The following PTPRZ1 variants were observed in gnomAD, a reference collection of about 807,000 sequenced individuals.
PTPRZ1 encodes receptor-type tyrosine-protein phosphatase zeta.
PTPRZ1 carries 82 observed loss-of-function variants against 214.1 expected under a neutral mutation model. That is an observed-to-expected ratio of 0.38 (90% confidence interval 0.32 to 0.46). The LOEUF (loss-of-function observed/expected upper bound fraction) is 0.46. PTPRZ1 is among the 20% of genes least tolerant of loss of function. The pLI, the probability that PTPRZ1 is intolerant of heterozygous loss-of-function variation, is 1.00. For synonymous variants in PTPRZ1, 945 were observed against 987.9 expected (o/e 0.96, Z 0.81); for missense variants, 2,603 against 2,748.7 (o/e 0.95, Z 1.19).
intron 1 of PTPRZ1, among the ~76,000 whole-genome samples, chr7:121,880,775 A>G (rs1343062317): frequency 1.3e-5 from 2 of 152,086 alleles, no homozygotes; most frequent in African/African-American, 4.8e-5. Context: ...TTAAATTTTT[A>G]CCCACTTGCA....
At position 122,034,110 on chromosome 7, in the gene PTPRZ1, T is replaced by A. The variant is rs1329680698; in HGVS notation, c.5182T>A (p.Tyr1728Asn). ...CCCTCATTAGACACTGAAAGAGTTT[T>A]ACCAGGTAAGGCATTATTTCACTGC... is the stretch of plus-strand genomic sequence containing the variant. ...TEEFETLKEF[Y>N]QEVQSCTVDL... Residue 1728 changes from tyrosine to asparagine, a missense_variant, in exon 16 of 30, where the codon TAC becomes AAC. Physicochemically the swap from Tyr to Asn is moderately radical, Grantham distance 143 (BLOSUM62 -2). Coordinates refer to ENST00000393386, the MANE Select transcript of PTPRZ1 (RefSeq NM_002851.3). 2 of 1,598,026 alleles carry A rather than the reference T, an allele frequency of 1.3e-6. No individual in the cohort carries two copies. The highest frequency in any genetic ancestry group is 8.6e-7 in the Non-Finnish European group (1 of 1,165,766).
chr7:122,037,124 A>T (rs1297977217), intron 18 of PTPRZ1, among the ~76,000 whole-genome samples: 2 of 152,170 alleles, frequency 1.3e-5, no homozygotes, highest in African/African-American at 4.8e-5. Flanking sequence ...TACAAAAAAA[A>T]ATTAGCTGGG....
chr7:121,976,918 C>A (rs182119906), intron 6 of PTPRZ1, 67 bp downstream of exon 6: 2 of 1,355,766 alleles, frequency 1.5e-6, no homozygotes, highest in African/African-American at 1.5e-5. Context: ...GTTGACAATA[C>A]GACAAAAGTC....
intron 1 of PTPRZ1, among the ~76,000 whole-genome samples, chr7:121,917,319 A>T (rs1346623955): frequency 6.6e-6 from 1 of 152,170 alleles, no homozygotes; most frequent in Non-Finnish European, 1.5e-5. Flanking sequence ...TAATTTTTTT[A>T]AATTGCTAGT....
chr7:121,898,316 G>A (rs1311152185), intron 1 of PTPRZ1, among the ~76,000 whole-genome samples: 1 of 151,790 alleles, frequency 6.6e-6, no homozygotes, highest in African/African-American at 2.4e-5. Flanking sequence ...GCCTTCAATG[G>A]AGAAATTCAG....
At chr7:121,984,180 G>T in intron 8 of PTPRZ1, 63 bp downstream of exon 8, 1 of 1,420,422 alleles carries the variant, frequency 7.0e-7, no homozygotes. Context: ...AGGTAATTTT[G>T]GTAAACTGAC....
intron 23 of PTPRZ1, among the ~76,000 whole-genome samples, chr7:122,045,740 C>T (rs946613076): frequency 3.3e-5 from 5 of 150,940 alleles, no homozygotes; most frequent in African/African-American, 9.7e-5. Flanking sequence ...AAAAAACTCT[C>T]ATTTAAATAT....
chr7:121,911,030 A>G (rs1433038018), intron 1 of PTPRZ1, among the ~76,000 whole-genome samples: 2 of 152,166 alleles, frequency 1.3e-5, no homozygotes, highest in Admixed American at 6.5e-5. Flanking sequence ...GCTAATGACA[A>G]CAATAAAAGC....
At chr7:121,975,603 C>A (rs1023256718) in intron 4 of PTPRZ1, among the ~76,000 whole-genome samples, 1 of 152,148 alleles carries the variant, frequency 6.6e-6, no homozygotes, top group South Asian at 2.1e-4. Flanking sequence ...GCCTGAGACA[C>A]CTGATTTCCA....
In PTPRZ1 at chr7:122,053,906, G is replaced by C. The variant is rs376487598; in HGVS notation, c.6253-4G>C. On this transcript the variant is annotated splice_polypyrimidine_tract_variant and splice_region_variant and intron_variant, in intron 25 of 29. Transcript: ENST00000393386. ...CTGTTTTTGTCTTCTCTTTGGTTTT[G>C]TAGGGCTATTACCAGAGCAATGAAT... is the stretch of plus-strand genomic sequence containing the variant. 2.5e-6 allele frequency: 4 copies of C among 1,612,138 alleles called. No homozygotes were observed. The African/African-American group carries it at 5.3e-5, about 22-fold the overall frequency.
intron 2 of PTPRZ1, among the ~76,000 whole-genome samples, chr7:121,937,314 C>G (rs1796114840): frequency 6.6e-6 from 1 of 152,026 alleles, no homozygotes; most frequent in South Asian, 2.1e-4. Context: ...AGGAGGAGCC[C>G]CTGAGAGACA....
At chr7:121,873,644 C>T (rs543117128) in intron 1 of PTPRZ1, 87 bp downstream of exon 1, 3 of 1,496,676 alleles carry the variant, frequency 2.0e-6, no homozygotes, top group Admixed American at 1.7e-5. Flanking sequence ...GACTTGCCGC[C>T]GCCGCCGCCA....
intron 1 of PTPRZ1, among the ~76,000 whole-genome samples, chr7:121,915,719 A>T (rs1795405898): frequency 6.6e-6 from 1 of 152,172 alleles, no homozygotes; most frequent in Non-Finnish European, 1.5e-5. Context: ...TTCTGTCAAA[A>T]TAATATTTGC....
At chr7:121,881,921 T>C (rs1323209194) in intron 1 of PTPRZ1, among the ~76,000 whole-genome samples, 18 of 152,246 alleles carry the variant, frequency 1.2e-4, no homozygotes, top group African/African-American at 3.6e-4. Context: ...TCTTTCTCCA[T>C]GCATAATTTG....
At chr7:122,034,932 T>C (rs1206902709) in intron 17 of PTPRZ1, among the ~76,000 whole-genome samples, 2 of 152,122 alleles carry the variant, frequency 1.3e-5, no homozygotes, top group African/African-American at 4.8e-5. Flanking sequence ...TTTTCATTAG[T>C]GCAATTTTAC....
At chr7:121,956,239 A>G (rs1250177300) in intron 2 of PTPRZ1, among the ~76,000 whole-genome samples, 1 of 151,952 alleles carries the variant, frequency 6.6e-6, no homozygotes, top group Non-Finnish European at 1.5e-5. Context: ...ACACACTTTT[A>G]TTTTCTTATT....
At chr7:121,995,229 A>G (rs1798097210) in intron 8 of PTPRZ1, among the ~76,000 whole-genome samples, 1 of 152,146 alleles carries the variant, frequency 6.6e-6, no homozygotes, top group Non-Finnish European at 1.5e-5. Context: ...TTGTTAACAT[A>G]TTTTTGAGTC....
intron 20 of PTPRZ1, 97 bp downstream of exon 20, chr7:122,039,685 A>G: frequency 1.4e-6 from 2 of 1,438,404 alleles, no homozygotes; most frequent in African/African-American, 1.4e-5. Context: ...TAAAAAGCAT[A>G]TAACTAAAGG....
intron 8 of PTPRZ1, among the ~76,000 whole-genome samples, chr7:121,986,076 G>A (rs1048556002): frequency 4.4e-5 from 5 of 114,540 alleles, no homozygotes; most frequent in African/African-American, 1.7e-4. Context: ...CTGATTTAAT[G>A]TAGAACATTG....
Sources: allele counts gnomAD v4.1 joint callset (sites outside exome capture counted in the v4.1 genomes callset), GRCh38; gene constraint gnomAD v4.1.1; transcripts MANE v1.5; gene names NCBI Gene and HGNC (gene_info 2026-07-23, HGNC 2026-07-21).